DSCAM: variants seen among roughly 807,000 people sequenced by gnomAD.
DSCAM encodes DS cell adhesion molecule.
DSCAM carries 47 observed loss-of-function variants against 217.7 expected under a neutral mutation model. The ratio of observed to expected loss-of-function variants is 0.22; its 90% CI spans 0.17 to 0.28. DSCAM has a LOEUF of 0.28. Ranked by LOEUF, DSCAM falls within the 10% of genes least tolerant of loss-of-function variation. The pLI, the probability that DSCAM is intolerant of heterozygous loss-of-function variation, is 1.00. For missense variants in DSCAM, 2,080 were observed against 2,618.3 expected (o/e 0.79, Z 4.49); for synonymous variants, 1,056 against 1,015.3 (o/e 1.04, Z -0.76).
chr21:40,648,313 A>ATGGTG (rs2089974504), intron 3 of DSCAM, among the ~76,000 whole-genome samples: 1 of 151,698 alleles, frequency 6.6e-6, no homozygotes, highest in Non-Finnish European at 1.5e-5. Flanking sequence ...TTCTGAAGCT[A>ATGGTG]TAGCATTGTT....
At chr21:40,529,214 C>T (rs879721815) in intron 3 of DSCAM, among the ~76,000 whole-genome samples, 1 of 152,042 alleles carries the variant, frequency 6.6e-6, no homozygotes, top group Non-Finnish European at 1.5e-5. Flanking sequence ...CCATTTTTAG[C>T]CCCTCCTCTT....
chr21:40,387,971 C>T (rs553249611), intron 3 of DSCAM, among the ~76,000 whole-genome samples: 1 of 151,612 alleles, frequency 6.6e-6, no homozygotes, highest in South Asian at 2.1e-4. Flanking sequence ...CAGAATATTT[C>T]CTAGAGAGAA....
chr21:40,571,675 G>C (rs879414848), intron 3 of DSCAM, among the ~76,000 whole-genome samples: 10 of 152,196 alleles, frequency 6.6e-5, no homozygotes, highest in African/African-American at 2.4e-4. Flanking sequence ...GTGTTTGTTT[G>C]TATACAGACA....
intron 1 of DSCAM, among the ~76,000 whole-genome samples, chr21:40,825,606 C>T (rs767870778): frequency 2.2e-4 from 33 of 152,128 alleles, no homozygotes; most frequent in Admixed American, 1.1e-3. Flanking sequence ...CATGAGCCAC[C>T]GTGCCTGGCC....
intron 3 of DSCAM, among the ~76,000 whole-genome samples, chr21:40,397,454 A>G (rs1194646783): frequency 6.6e-6 from 1 of 152,056 alleles, no homozygotes; most frequent in African/African-American, 2.4e-5. Flanking sequence ...GCCTTCCACC[A>G]TGATGAGAAG....
intron 11 of DSCAM, among the ~76,000 whole-genome samples, chr21:40,231,929 T>TA (rs1210880210): frequency 6.6e-6 from 1 of 152,234 alleles, no homozygotes; most frequent in Admixed American, 6.5e-5. Context: ...CTGATATATA[T>TA]TTGAGCAGCA....
chr21:40,596,473 G>C (rs1357325419), intron 3 of DSCAM, among the ~76,000 whole-genome samples: 1 of 152,160 alleles, frequency 6.6e-6, no homozygotes, highest in Non-Finnish European at 1.5e-5. Flanking sequence ...GTATTATTCA[G>C]TTAGCTAAAA....
At chr21:40,134,729 C>T (rs753728346) in intron 18 of DSCAM, among the ~76,000 whole-genome samples, 2 of 152,208 alleles carry the variant, frequency 1.3e-5, no homozygotes, top group African/African-American at 4.8e-5. Flanking sequence ...ACATTGGATA[C>T]ATACATCAAA....
chr21:40,732,493 A>C (rs1436934200), intron 1 of DSCAM, among the ~76,000 whole-genome samples: 4 of 152,192 alleles, frequency 2.6e-5, no homozygotes, highest in Non-Finnish European at 5.9e-5. Flanking sequence ...CTTAGAGGAG[A>C]TACACTGATT....
At chr21:40,606,323 C>A (rs1452288614) in intron 3 of DSCAM, among the ~76,000 whole-genome samples, 1 of 152,138 alleles carries the variant, frequency 6.6e-6, no homozygotes, top group Non-Finnish European at 1.5e-5. Flanking sequence ...GCACCAAAGC[C>A]ACTGCTGGAG....
chr21:40,833,784 A>G (rs1340923302), intron 1 of DSCAM, among the ~76,000 whole-genome samples: 1 of 152,182 alleles, frequency 6.6e-6, no homozygotes, highest in East Asian at 1.9e-4. Flanking sequence ...GAAAAAACGC[A>G]GTACTGATGT....
At chr21:40,460,999 A>AT (rs2075801293) in intron 3 of DSCAM, among the ~76,000 whole-genome samples, 4 of 152,218 alleles carry the variant, frequency 2.6e-5, no homozygotes, top group Non-Finnish European at 5.9e-5. Context: ...ATTGATTTAT[A>AT]CGACTATCAG....
intron 1 of DSCAM, among the ~76,000 whole-genome samples, chr21:40,818,577 A>G (rs2091902873): frequency 6.9e-6 from 1 of 145,532 alleles, no homozygotes. Flanking sequence ...AAAAAAAAAA[A>G]AAAAAAAGAC....
chr21:40,545,763 C>T (rs1047437578), intron 3 of DSCAM, among the ~76,000 whole-genome samples: 14 of 152,224 alleles, frequency 9.2e-5, no homozygotes, highest in African/African-American at 3.4e-4. Flanking sequence ...GCCTCCAACA[C>T]TTACTGAATG....
chr21:40,451,889 A>C (rs1348189830), intron 3 of DSCAM, among the ~76,000 whole-genome samples: 4 of 152,132 alleles, frequency 2.6e-5, no homozygotes, highest in African/African-American at 9.7e-5. Context: ...AAAATTCAAA[A>C]AAATTGCAAC....
chr21:40,616,185 T>C (rs2089391360), intron 3 of DSCAM, among the ~76,000 whole-genome samples: 1 of 152,170 alleles, frequency 6.6e-6, no homozygotes, highest in Non-Finnish European at 1.5e-5. Context: ...ACTGGGAAGT[T>C]TTTGACAACT....
At chr21:40,522,720 T>C (rs569647197) in intron 3 of DSCAM, among the ~76,000 whole-genome samples, 1 of 152,332 alleles carries the variant, frequency 6.6e-6, no homozygotes, top group East Asian at 1.9e-4. Context: ...AATCTCTGTA[T>C]CTAAAGAGAA....
At chr21:40,421,761 A>T (rs1490152989) in intron 3 of DSCAM, among the ~76,000 whole-genome samples, 1 of 152,262 alleles carries the variant, frequency 6.6e-6, no homozygotes, top group Non-Finnish European at 1.5e-5. Context: ...AACAAAAAGT[A>T]CTTGGATTTT....
intron 19 of DSCAM, among the ~76,000 whole-genome samples, chr21:40,128,332 A>G (rs965431198): frequency 6.6e-6 from 1 of 151,112 alleles, no homozygotes; most frequent in Admixed American, 6.6e-5. Flanking sequence ...CTTACCTTCT[A>G]GTGTATGTGC....
Sources: allele counts gnomAD v4.1 joint callset (sites outside exome capture counted in the v4.1 genomes callset), GRCh38; gene constraint gnomAD v4.1.1; transcripts MANE v1.5; gene names NCBI Gene and HGNC (gene_info 2026-07-23, HGNC 2026-07-21).